Variants in RIMS1 observed in about 807,000 individuals in gnomAD.
RIMS1 encodes the protein regulating synaptic membrane exocytosis protein 1.
RIMS1 carries 83 observed loss-of-function variants against 214.1 expected under a neutral mutation model. The observed-to-expected ratio is 0.39, with a 90% CI of 0.32 to 0.47. The LOEUF is 0.47. Ranked by LOEUF, RIMS1 falls within the 20% of genes least tolerant of loss-of-function variation. RIMS1 has a pLI of 0.99. For synonymous variants in RIMS1, 793 were observed against 786.8 expected (o/e 1.01, Z -0.13); for missense variants, 2,050 against 2,161.8 (o/e 0.95, Z 1.03).
intron 1 of RIMS1, among the ~76,000 whole-genome samples, chr6:71,910,659 A>G (rs1463575841): frequency 2.6e-5 from 4 of 152,156 alleles, no homozygotes; most frequent in African/African-American, 4.8e-5. Flanking sequence ...AGCACACATA[A>G]TGTTGTTTGT....
At chr6:72,320,601 A>ACTAAGAAAAAACAAATTC (rs1387982515) in intron 28 of RIMS1, among the ~76,000 whole-genome samples, 1 of 152,094 alleles carries the variant, frequency 6.6e-6, no homozygotes. Flanking sequence ...AGTATAATAC[A>ACTAAGAAAAAACAAATTC]CTAAGAAAAA....
At chr6:71,909,923 C>A (rs1776380609) in intron 1 of RIMS1, among the ~76,000 whole-genome samples, 2 of 152,108 alleles carry the variant, frequency 1.3e-5, no homozygotes, top group South Asian at 4.1e-4. Flanking sequence ...TCTCATAGAA[C>A]ACAAAAAAGC....
chr6:72,361,885 A>G (rs1215991685), intron 29 of RIMS1, among the ~76,000 whole-genome samples: 1 of 152,220 alleles, frequency 6.6e-6, no homozygotes, highest in Admixed American at 6.5e-5. Context: ...ATCTGCCAGC[A>G]CAATTCCCCA....
At chr6:72,386,006 A>C (rs1392504020) in intron 29 of RIMS1, among the ~76,000 whole-genome samples, 1 of 152,208 alleles carries the variant, frequency 6.6e-6, no homozygotes, top group Non-Finnish European at 1.5e-5. Context: ...CAAAAACTTT[A>C]ATATTAAAAA....
At chr6:72,133,491 C>A (rs2040788200) in intron 4 of RIMS1, among the ~76,000 whole-genome samples, 1 of 152,206 alleles carries the variant, frequency 6.6e-6, no homozygotes, top group Admixed American at 6.5e-5. Flanking sequence ...ATGCACAGTG[C>A]AGCTGGCTTG....
At chr6:72,128,692 G>A (rs768275130) in intron 4 of RIMS1, among the ~76,000 whole-genome samples, 6 of 152,260 alleles carry the variant, frequency 3.9e-5, no homozygotes, top group Non-Finnish European at 8.8e-5. Flanking sequence ...TTAATATTTT[G>A]TCTGATTTGA....
chr6:72,294,050 C>T (rs2154256955), intron 26 of RIMS1, among the ~76,000 whole-genome samples: 1 of 151,422 alleles, frequency 6.6e-6, no homozygotes, highest in Non-Finnish European at 1.5e-5. Flanking sequence ...TATAAATGTT[C>T]TATAAATAAA....
chr6:72,315,911 A>G (rs564923659), intron 28 of RIMS1, among the ~76,000 whole-genome samples: 7 of 152,292 alleles, frequency 4.6e-5, no homozygotes, highest in African/African-American at 1.7e-4. Flanking sequence ...ATTTTTCTTA[A>G]TATATTACTG....
intron 28 of RIMS1, among the ~76,000 whole-genome samples, chr6:72,332,175 T>A (rs906738591): frequency 2.0e-5 from 3 of 151,828 alleles, no homozygotes; most frequent in Non-Finnish European, 4.4e-5. Context: ...TTAAAGATGC[T>A]ATATCAGCTA....
chr6:72,216,015 T>G (rs1008216416), intron 6 of RIMS1, among the ~76,000 whole-genome samples: 1 of 152,224 alleles, frequency 6.6e-6, no homozygotes, highest in Non-Finnish European at 1.5e-5. Context: ...TAAAACAAAG[T>G]AGAAGCAGTC....
rs538533039 is a variant in RIMS1, at chr6:72,145,329, T to A, written c.472-34246T>A. ...TCCTGGGCCTATTAGAAAGTGACATTTTTGGCCAGGTGTGTCGGCTCACGC... is the reference window on the plus strand; with the variant it reads ...TCCTGGGCCTATTAGAAAGTGACATATTTGGCCAGGTGTGTCGGCTCACGC... On this transcript the variant is annotated intron_variant, in intron 4 of 33. Coordinates refer to ENST00000521978, the MANE Select transcript of RIMS1 (RefSeq NM_014989.7). 2.0e-5 allele frequency among the ~76,000 whole-genome samples: 3 copies of A among 152,226 alleles called. No individual in the cohort carries two copies. The East Asian group carries it at 5.8e-4, about 29-fold the overall frequency.
chr6:72,360,261 A>G (rs993650076), intron 29 of RIMS1, among the ~76,000 whole-genome samples: 4 of 152,236 alleles, frequency 2.6e-5, no homozygotes, highest in Admixed American at 6.5e-5. Context: ...ATAATAGACT[A>G]TAAACACCCT....
chr6:72,000,412 A>G (rs1255596509), intron 2 of RIMS1, among the ~76,000 whole-genome samples: 1 of 152,208 alleles, frequency 6.6e-6, no homozygotes, highest in Non-Finnish European at 1.5e-5. Context: ...TAAATGACTA[A>G]TAAGTTTATC....
chr6:72,280,812 C>G (rs2089735782), intron 23 of RIMS1, among the ~76,000 whole-genome samples: 1 of 151,994 alleles, frequency 6.6e-6, no homozygotes, highest in African/African-American at 2.4e-5. Context: ...CTTCAAGAAA[C>G]AAATATTTAA....
chr6:72,368,820 T>C (rs1323608540), intron 29 of RIMS1, among the ~76,000 whole-genome samples: 1 of 152,094 alleles, frequency 6.6e-6, no homozygotes, highest in African/African-American at 2.4e-5. Flanking sequence ...GGGAAAATAA[T>C]ATAGGAGTTC....
At chr6:71,900,943 T>C (rs1459763449) in intron 1 of RIMS1, among the ~76,000 whole-genome samples, 1 of 152,030 alleles carries the variant, frequency 6.6e-6, no homozygotes, top group Non-Finnish European at 1.5e-5. Flanking sequence ...TTTTAAAAAT[T>C]GATAGAGGAC....
rs144088975 is a variant in RIMS1, at chr6:72,148,477, T to G, written c.472-31098T>G. 2.1e-3 allele frequency: 805 copies of G among 378,294 alleles called. 9 individuals carry two copies. Among genetic ancestry groups the G allele is most frequent in the African/African-American group, 0.016 (765 of 48,618 alleles). 23.4% of individuals were successfully genotyped at this position (378,294 alleles called of 1,614,324 possible). A position where few individuals can be genotyped will look rare whatever the true frequency, so the allele number is the denominator to read the frequency against. On this transcript the variant is annotated intron_variant, in intron 4 of 33. Transcript: ENST00000521978. Reference sequence around the variant, plus strand: ...GCCATCCATGGGTGCCAGTGTGACCTTCACCACGTAGCAGGAAGGCCTAGA... The same window carrying G: ...GCCATCCATGGGTGCCAGTGTGACCGTCACCACGTAGCAGGAAGGCCTAGA...
chr6:72,049,325 T>C (rs989174408), intron 2 of RIMS1, among the ~76,000 whole-genome samples: 1 of 152,088 alleles, frequency 6.6e-6, no homozygotes, highest in South Asian at 2.1e-4. Flanking sequence ...GAGCCCGTAT[T>C]TGGGAACTCA....
At chr6:72,131,448 G>A (rs1380487176) in intron 4 of RIMS1, among the ~76,000 whole-genome samples, 1 of 152,140 alleles carries the variant, frequency 6.6e-6, no homozygotes, top group Non-Finnish European at 1.5e-5. Context: ...GGGCGTCCGG[G>A]GGAGACATCA....
Sources: allele counts gnomAD v4.1 joint callset (sites outside exome capture counted in the v4.1 genomes callset), GRCh38; gene constraint gnomAD v4.1.1; transcripts MANE v1.5; gene names NCBI Gene and HGNC (gene_info 2026-07-23, HGNC 2026-07-21).